Variants in KANK1 observed in about 807,000 individuals in gnomAD.
The protein encoded by KANK1 is KN motif and ankyrin repeat domain-containing protein 1.
A neutral mutation model predicts 106.2 loss-of-function variants in KANK1; 109 were observed. The observed-to-expected ratio is 1.03, with a 90% CI of 0.88 to 1.20. The LOEUF is 1.20. Ranked by LOEUF, KANK1 falls within the 50% of genes most tolerant of loss-of-function variation. The pLI is 0.00. For synonymous variants in KANK1, 873 were observed against 652.2 expected, an observed-to-expected ratio of 1.34 and a Z score of -5.16; for missense variants, 2,399 against 1,710.7, an observed-to-expected ratio of 1.40 and a Z score of -7.10.
intron 1 of KANK1, among the ~76,000 whole-genome samples, chr9:536,107 G>A (rs1587603783): frequency 6.6e-6 from 1 of 152,140 alleles, no homozygotes; most frequent in Non-Finnish European, 1.5e-5. Flanking sequence ...GGAGGCTGAG[G>A]TGGGCGGATC....
chr9:669,318 C>T (rs759328893), intron 1 of KANK1, among the ~76,000 whole-genome samples: 1 of 152,112 alleles, frequency 6.6e-6, no homozygotes, highest in Non-Finnish European at 1.5e-5. Context: ...TTTATACCTT[C>T]AAATGTTTTC....
chr9:497,136 C>T (rs1166682445), intron 3 of KANK1, among the ~76,000 whole-genome samples: 1 of 152,006 alleles, frequency 6.6e-6, no homozygotes, highest in Non-Finnish European at 1.5e-5. Context: ...ACAGTTGTTT[C>T]CAGGAACCAG....
rs200799782 is a variant in KANK1 at position 740,798 on chromosome 9, G to A, written c.3560G>A (p.Cys1187Tyr). The change falls in exon 9 of 12, where the codon TGT becomes TAT. Residue 1187 changes from cysteine (C) to tyrosine (Y), a missense_variant. Physicochemically the swap from Cys to Tyr is radical, Grantham distance 194. Coordinates refer to ENST00000382297, the MANE Select transcript of KANK1 (RefSeq NM_015158.5). ...TTTTTTTTTTTTTTTACAGATGTGT[G>A]TAATGTGGATCACCAGAACAAGGCA... ...IVKLLLDADV[C>Y]NVDHQNKAGY... 10 of 1,593,834 alleles carry A rather than the reference G, an allele frequency of 6.3e-6. No homozygotes were observed. Among genetic ancestry groups the A allele is most frequent in the Non-Finnish European group, 8.6e-6 (10 of 1,168,360 alleles).
chr9:629,153 C>T (rs1020676255), intron 1 of KANK1, among the ~76,000 whole-genome samples: 1 of 151,584 alleles, frequency 6.6e-6, no homozygotes, highest in African/African-American at 2.4e-5. Context: ...TGTTTGTGAT[C>T]AGTGAGATCT....
chr9:746,033 T>TCTATGTATTTAAATGTTTG lies in KANK1; in HGVS notation c.*799_*817dup, dbSNP rs1837075799. On this transcript the variant is annotated 3_prime_UTR_variant, in exon 12 of 12. Transcript: ENST00000382297. ...TACCGTGTCACATTTACTTTGGTCC[T>TCTATGTATTTAAATGTTTG]CTATGTATTTAAATGTTTGAAGTGC... The TCTATGTATTTAAATGTTTG allele has an allele frequency of 6.5e-6, 1 of 152,698 alleles. No individual in the cohort carries two copies. The allele number at this position is 152,698 out of a possible 1,614,324, so 9.5% of individuals were successfully genotyped here.
intron 2 of KANK1, among the ~76,000 whole-genome samples, chr9:683,072 C>T (rs1817888542): frequency 6.6e-6 from 1 of 152,166 alleles, no homozygotes; most frequent in Non-Finnish European, 1.5e-5. Flanking sequence ...TTTCTGAGAT[C>T]ATCTGTAAGG....
intron 1 of KANK1, among the ~76,000 whole-genome samples, chr9:672,341 G>C (rs902497424): frequency 6.6e-6 from 1 of 152,172 alleles, no homozygotes. Context: ...TGTAACAATT[G>C]CATCAGTGGT....
intron 1 of KANK1, among the ~76,000 whole-genome samples, chr9:675,508 AT>A (rs970517809): frequency 8.0e-5 from 12 of 150,938 alleles, no homozygotes; most frequent in East Asian, 3.9e-4. Context: ...ACTTTTTTGT[AT>A]TTTTTTTTCT....
At chr9:670,082 C>T (rs189577955) in intron 1 of KANK1, among the ~76,000 whole-genome samples, 2 of 152,212 alleles carry the variant, frequency 1.3e-5, no homozygotes, top group Admixed American at 1.3e-4. Flanking sequence ...GATTTTTTAT[C>T]ACTTCAATCT....
At chr9:584,161 G>A (rs1822860635) in intron 1 of KANK1, among the ~76,000 whole-genome samples, 1 of 152,092 alleles carries the variant, frequency 6.6e-6, no homozygotes, top group Non-Finnish European at 1.5e-5. Flanking sequence ...TTATTAAAAT[G>A]GATTATTGAT....
chr9:744,058 G>A (rs966254109), intron 10 of KANK1, among the ~76,000 whole-genome samples: 3 of 152,190 alleles, frequency 2.0e-5, no homozygotes, highest in Non-Finnish European at 4.4e-5. Context: ...GATGTTACTT[G>A]TAGCCTTAAA....
intron 2 of KANK1, among the ~76,000 whole-genome samples, chr9:691,611 ATTTTTTTT>A (rs767618077): frequency 2.8e-5 from 2 of 71,082 alleles, no homozygotes; most frequent in Admixed American, 3.6e-4. Context: ...TAATACCAGA[ATTTTTTTT>A]TTTTTTTTTT....
At chr9:735,466 G>C (rs1214219982) in intron 7 of KANK1, among the ~76,000 whole-genome samples, 2 of 152,194 alleles carry the variant, frequency 1.3e-5, no homozygotes, top group Non-Finnish European at 2.9e-5. Flanking sequence ...CCATGGCCAA[G>C]AATGACATAT....
At chr9:517,669 G>T (rs542811577) in intron 1 of KANK1, among the ~76,000 whole-genome samples, 1 of 150,974 alleles carries the variant, frequency 6.6e-6, no homozygotes, top group East Asian at 1.9e-4. Context: ...AATTCTGCCT[G>T]TTGTAGGGAA....
At chr9:736,969 TC>T (rs1235929630) in intron 7 of KANK1, among the ~76,000 whole-genome samples, 5 of 152,204 alleles carry the variant, frequency 3.3e-5, no homozygotes, top group African/African-American at 4.8e-5. Flanking sequence ...TCCTGCATCC[TC>T]CAAATTGCCG....
chr9:716,333 G>A (rs529001884), intron 3 of KANK1, among the ~76,000 whole-genome samples: 17 of 152,298 alleles, frequency 1.1e-4, no homozygotes, highest in African/African-American at 2.9e-4. Flanking sequence ...GTTGGCTGAC[G>A]TTGTTGTTAT....
upstream of KANK1, among the ~76,000 whole-genome samples, chr9:500,890 T>C (rs1048816558): frequency 2.6e-5 from 4 of 152,184 alleles, no homozygotes; most frequent in African/African-American, 7.2e-5. Context: ...AAAGCTCTAT[T>C]ATTGGAAATG....
At chr9:525,784 T>C (rs908741938) in intron 1 of KANK1, among the ~76,000 whole-genome samples, 4 of 151,610 alleles carry the variant, frequency 2.6e-5, no homozygotes, top group African/African-American at 7.3e-5. Flanking sequence ...GCAGCAAAGG[T>C]TGGGCTGGTT....
At chr9:728,234 TCTGTCACC>T (rs1831267216) in intron 3 of KANK1, among the ~76,000 whole-genome samples, 1 of 152,196 alleles carries the variant, frequency 6.6e-6, no homozygotes, top group Non-Finnish European at 1.5e-5. Context: ...CCTCTGTCAC[TCTGTCACC>T]CAGGCTGGAG....
Sources: gnomAD v4.1 joint callset for allele counts (sites outside exome capture counted in the v4.1 genomes callset) on GRCh38, gnomAD v4.1.1 for gene constraint, MANE v1.5 for transcripts, NCBI Gene and HGNC (gene_info 2026-07-23, HGNC 2026-07-21) for gene names.